Variants in USP6NL observed in about 807,000 individuals in gnomAD.
USP6NL encodes the protein USP6 N-terminal-like protein.
USP6NL carries 26 observed loss-of-function variants against 61.9 expected under a neutral mutation model. That is an observed-to-expected ratio of 0.42 (90% CI 0.31 to 0.58). The LOEUF is 0.58. USP6NL is among the 20% of genes least tolerant of loss of function. The pLI is 0.16. For missense variants in USP6NL, 1,114 were observed against 1,034.3 expected (o/e 1.08, Z -1.06); for synonymous variants, 432 against 390.1 (o/e 1.11, Z -1.27).
chr10:11,504,070 C>T (rs762699635), intron 6 of USP6NL, among the ~76,000 whole-genome samples: 10 of 152,058 alleles, frequency 6.6e-5, no homozygotes, highest in Non-Finnish European at 1.3e-4. Context: ...CTTTGGAATC[C>T]AAGCAGTAGG....
chr10:11,525,659 A>G lies in USP6NL; in HGVS notation c.73-191T>C, dbSNP rs1202959502. 6.6e-6 allele frequency among the ~76,000 whole-genome samples: 1 copy of G among 152,078 alleles called. No homozygotes were observed. Among genetic ancestry groups the G allele is most frequent in the Non-Finnish European group, 1.5e-5 (1 of 68,002 alleles). On this transcript the variant is annotated intron_variant, in intron 3 of 14. Transcript: ENST00000609104. The surrounding 1 kb of genome is among the most constrained non-coding windows in gnomAD (Gnocchi z 5.0). ...AACTATTTTTGGCAAGATAAACACT[A>G]TTTCCTAGTTATGACTCTGGAAGAT...
intron 2 of USP6NL, among the ~76,000 whole-genome samples, chr10:11,578,275 G>A (rs1837623923): frequency 6.6e-6 from 1 of 152,172 alleles, no homozygotes. Context: ...AACCTCATCT[G>A]TAATTTATGA....
rs1262303170 is a variant in USP6NL at position 11,491,485 on chromosome 10, C to T, written c.495-605G>A. Among the ~76,000 whole-genome samples the T allele has an allele frequency of 1.3e-5, 2 of 152,200 alleles. No homozygotes were observed. Among genetic ancestry groups the T allele is most frequent in the African/African-American group, 4.8e-5 (2 of 41,448 alleles). On this transcript the variant is annotated intron_variant, in intron 8 of 14. Coordinates refer to ENST00000609104, the MANE Select transcript of USP6NL (RefSeq NM_014688.5). The surrounding 1 kb of genome is among the most constrained non-coding windows in gnomAD (Gnocchi z 4.7). ...TTAGTTCCAAAAGGAGGAATGCTTCCACCATGAGACATAACAGTGATTCCA... is the reference window on the plus strand; with the variant it reads ...TTAGTTCCAAAAGGAGGAATGCTTCTACCATGAGACATAACAGTGATTCCA...
rs1420150455 is a variant in USP6NL at position 11,463,831 on chromosome 10, G to A, written c.1097C>T (p.Pro366Leu). 27 of 1,464,704 alleles carry A rather than the reference G, an allele frequency of 1.8e-5. No individual in the cohort carries two copies. Among genetic ancestry groups the A allele is most frequent in the African/African-American group, 2.9e-5 (2 of 69,896 alleles). The allele number at this position is 1,464,704 out of a possible 1,614,324, so 90.7% of individuals were successfully genotyped here. ...TGGAAGCTGCCCCAAGGGCTTCTTT[G>A]GATATTCATCCTCTTTACCTGAAAA... ...LPEPGKEDEY[P>L]KKPLGQLPPE... The change falls in exon 15 of 15, where the codon CCA (proline) becomes CTA (leucine). Residue 366 changes from proline (P) to leucine (L), a missense_variant. Physicochemically the swap from Pro to Leu is moderately conservative, Grantham distance 98. Coordinates refer to ENST00000609104, the MANE Select transcript of USP6NL (RefSeq NM_014688.5). This position sits in a 1 kb window ranked among gnomAD's most constrained non-coding sequence, Gnocchi z 6.3.
chr10:11,608,528 C>T (rs1038625005), intron 1 of USP6NL, among the ~76,000 whole-genome samples: 2 of 152,156 alleles, frequency 1.3e-5, no homozygotes, highest in African/African-American at 4.8e-5. Context: ...CCCACACACC[C>T]GCCTCTTTTT....
At position 11,537,197 on chromosome 10, in the gene USP6NL, A is replaced by C. The variant is rs1835867511; in HGVS notation, c.5-9630T>G. Among the ~76,000 whole-genome samples the C allele has an allele frequency of 6.6e-6, 1 of 150,500 alleles. No homozygotes were observed. Among genetic ancestry groups the C allele is most frequent in the South Asian group, 2.2e-4 (1 of 4,562 alleles). On this transcript the variant is annotated intron_variant, in intron 2 of 14. Coordinates refer to ENST00000609104, the MANE Select transcript of USP6NL (RefSeq NM_014688.5). This position sits in a 1 kb window ranked among gnomAD's most constrained non-coding sequence, Gnocchi z 5.1. The stretch of plus-strand genomic sequence containing the variant: ...ACGATCACAGTTCACTGCAGCGTCA[A>C]TCTCCCAGGTGATCCTCCCACCTCA...
chr10:11,522,166 A>C (rs762566893), intron 4 of USP6NL, among the ~76,000 whole-genome samples: 25 of 152,206 alleles, frequency 1.6e-4, no homozygotes, highest in Non-Finnish European at 3.2e-4. Context: ...TATATTTGTT[A>C]ATTACTGTCA....
At chr10:11,514,604 T>A (rs1466397928) in intron 5 of USP6NL, among the ~76,000 whole-genome samples, 1 of 152,158 alleles carries the variant, frequency 6.6e-6, no homozygotes, top group Non-Finnish European at 1.5e-5. Flanking sequence ...GCCCTATTTG[T>A]CTTTTACCAT....
chr10:11,514,843 G>A (rs947264564), intron 5 of USP6NL, among the ~76,000 whole-genome samples: 34 of 152,290 alleles, frequency 2.2e-4, no homozygotes, highest in Middle Eastern at 3.4e-3. Context: ...GCAACATACA[G>A]TCAAGGAAAA....
chr10:11,543,809 T>TG (rs1836164119), intron 2 of USP6NL, among the ~76,000 whole-genome samples: 1 of 120,286 alleles, frequency 8.3e-6, no homozygotes, highest in African/African-American at 3.1e-5. Flanking sequence ...TTAGGTTTTT[T>TG]TTTTTTTTTT....
At position 11,462,755 on chromosome 10, in the gene USP6NL, G is replaced by T. The variant is rs2096220504; in HGVS notation, c.2173C>A (p.Pro725Thr). 3.1e-6 allele frequency: 5 copies of T among 1,613,868 alleles called. No homozygotes were observed. The East Asian group carries it at 8.9e-5, about 29-fold the overall frequency. ...GSPKNGKLIIPPVDYLPDNRT... is the reference protein window; with the variant it reads ...GSPKNGKLIITPVDYLPDNRT... ...TTATCTGGCAAGTAATCCACTGGTG[G>T]AATGATCAATTTTCCATTCTTTGGT... is the stretch of plus-strand genomic sequence containing the variant. The change falls in exon 15 of 15, where the codon CCA becomes ACA. Residue 725 changes from proline to threonine, a missense_variant. Physicochemically the swap from Pro to Thr is conservative, Grantham distance 38. Transcript: ENST00000609104.
intron 2 of USP6NL, among the ~76,000 whole-genome samples, chr10:11,579,916 AC>A (rs1300239956): frequency 6.9e-6 from 1 of 144,800 alleles, no homozygotes; most frequent in Non-Finnish European, 1.5e-5. Flanking sequence ...TCCAAATATG[AC>A]CCATAGGCTG....
intron 2 of USP6NL, among the ~76,000 whole-genome samples, chr10:11,590,431 T>C (rs575077463): frequency 1.3e-5 from 2 of 152,282 alleles, no homozygotes; most frequent in East Asian, 3.9e-4. Context: ...TGAAAATATA[T>C]AGCTGTCCAG....
chr10:11,505,748 T>C (rs1338058675), intron 6 of USP6NL, among the ~76,000 whole-genome samples: 2 of 152,304 alleles, frequency 1.3e-5, no homozygotes, highest in African/African-American at 2.4e-5. Context: ...ATTAAAACAG[T>C]GACAAGTGTG....
intron 6 of USP6NL, among the ~76,000 whole-genome samples, chr10:11,505,223 G>A (rs1591857302): frequency 6.6e-6 from 1 of 152,260 alleles, no homozygotes; most frequent in East Asian, 1.9e-4. Context: ...GGAAAAGTGG[G>A]GGTGGGAGCA....
intron 2 of USP6NL, among the ~76,000 whole-genome samples, chr10:11,555,352 T>G (rs1437059997): frequency 6.3e-5 from 9 of 142,424 alleles, no homozygotes; most frequent in Admixed American, 3.6e-4. Flanking sequence ...GAAGTGGACG[T>G]TGCAGTGAGC....
intron 2 of USP6NL, among the ~76,000 whole-genome samples, chr10:11,579,794 T>C (rs926813424): frequency 1.3e-5 from 2 of 151,928 alleles, no homozygotes. Context: ...CTGCAAACAT[T>C]TTCTATAAAA....
rs890998688 is a variant in USP6NL, at chr10:11,485,385, G to A, written c.760-151C>T. Among the ~76,000 whole-genome samples the A allele has an allele frequency of 3.9e-5, 6 of 152,174 alleles. No individual in the cohort carries two copies. The highest frequency in any genetic ancestry group is 1.4e-4 in the African/African-American group (6 of 41,450). Reference sequence around the variant, plus strand: ...CCAAGAATAAATTCCTCTTAGGACTGTAATACAACAATTAGATTCTCTTTA... The same window carrying A: ...CCAAGAATAAATTCCTCTTAGGACTATAATACAACAATTAGATTCTCTTTA... On this transcript the variant is annotated intron_variant, in intron 11 of 14. Transcript: ENST00000609104. The surrounding 1 kb of genome is among the most constrained non-coding windows in gnomAD (Gnocchi z 4.8).
At chr10:11,527,907 T>G (rs1368079944) in intron 2 of USP6NL, among the ~76,000 whole-genome samples, 1 of 152,180 alleles carries the variant, frequency 6.6e-6, no homozygotes, top group African/African-American at 2.4e-5. Context: ...CCCACTTGGG[T>G]AGAAGAGACA....
Sources: allele counts gnomAD v4.1 joint callset (sites outside exome capture counted in the v4.1 genomes callset), GRCh38; gene constraint gnomAD v4.1.1; non-coding constraint Gnocchi (gnomAD v3.1); transcripts MANE v1.5; gene names NCBI Gene and HGNC (gene_info 2026-07-23, HGNC 2026-07-21).